The following CSF2RA variants were observed in gnomAD, a reference collection of about 807,000 sequenced individuals.
CSF2RA encodes the protein granulocyte-macrophage colony-stimulating factor receptor subunit alpha.
A neutral mutation model predicts 51.6 loss-of-function variants in CSF2RA; 42 were observed. The ratio of observed to expected loss-of-function variants is 0.81; its 90% CI spans 0.64 to 1.05. The LOEUF (loss-of-function observed/expected upper bound fraction) is 1.05. Among genes scored for constraint, CSF2RA ranks in the 50% least tolerant of loss-of-function variants. The pLI is 0.00. For missense variants in CSF2RA, 530 were observed against 501.1 expected (o/e 1.06, Z -0.55); for synonymous variants, 222 against 193.0 (o/e 1.15, Z -1.24).
intron 2 of CSF2RA, among the ~76,000 whole-genome samples, chrX:1,275,266 C>T (rs1361687367): frequency 2.0e-5 from 3 of 151,858 alleles, no homozygotes. Flanking sequence ...TGGCAGTTGC[C>T]TCTAGTCCCA....
At chrX:1,292,999 G>C (rs1324552050) in intron 7 of CSF2RA, among the ~76,000 whole-genome samples, 1 of 152,126 alleles carries the variant, frequency 6.6e-6, no homozygotes, top group Non-Finnish European at 1.5e-5. Flanking sequence ...CTGGTTAATA[G>C]AGAATGGAGA....
intron 12 of CSF2RA, 46 bp from the exon 13 acceptor site, chrX:1,309,356 G>C (rs751243916): frequency 6.3e-7 from 1 of 1,578,906 alleles, no homozygotes; most frequent in Non-Finnish European, 8.7e-7. Flanking sequence ...TGAGTCCCAG[G>C]CTGAGCTCGT....
Position 1,303,931 on chromosome X carries a change from G to T in CSF2RA, c.955G>T (p.Asp319Tyr). The stretch of plus-strand genomic sequence containing the variant: ...CCTGTGTGTCTCTCCAGGTTCTGAC[G>T]ACGGGAACCTCGGCTCTGTGTACAT... Reference protein sequence around the residue: ...WSEAIEFGSDDGNLGSVYIYV... With the variant: ...WSEAIEFGSDYGNLGSVYIYV... Residue 319 changes from aspartate (D) to tyrosine (Y), a missense_variant, in exon 11 of 13, where the codon GAC becomes TAC. By Grantham distance (160) the Asp-to-Tyr change is radical. Coordinates refer to ENST00000381529, the MANE Select transcript of CSF2RA (RefSeq NM_172245.4). The T allele has an allele frequency of 6.2e-7, 1 of 1,613,528 alleles. No individual in the cohort carries two copies. Among genetic ancestry groups the T allele is most frequent in the Non-Finnish European group, 8.5e-7 (1 of 1,179,702 alleles).
At chrX:1,324,742 T>G in the CSF2RA span, among the ~76,000 whole-genome samples, 1 of 152,116 alleles carries the variant, frequency 6.6e-6, no homozygotes, top group Non-Finnish European at 1.5e-5. Flanking sequence ...AACAAAGGCC[T>G]GTCTGAGTCG....
chrX:1,301,500 C>G (rs1407936869), intron 10 of CSF2RA, among the ~76,000 whole-genome samples: 8 of 151,898 alleles, frequency 5.3e-5, no homozygotes, highest in African/African-American at 1.5e-4. Context: ...CCACCTCCCT[C>G]TGCTCCACTG....
At chrX:1,319,909 G>T in the CSF2RA span, among the ~76,000 whole-genome samples, 2 of 124,312 alleles carry the variant, frequency 1.6e-5, no homozygotes, top group African/African-American at 3.1e-5. Flanking sequence ...TTGTTTGTTT[G>T]TTTTGAGATG....
At chrX:1,284,660 A>AT (rs61159606) in intron 3 of CSF2RA, among the ~76,000 whole-genome samples, 7,113 of 24,532 alleles carry the variant, frequency 0.29, 1,927 homozygotes, top group African/African-American at 0.38. Context: ...CTAGTTTTTG[A>AT]TTTTTTTTTT....
At chrX:1,316,967 G>A in the CSF2RA span, among the ~76,000 whole-genome samples, 1 of 152,050 alleles carries the variant, frequency 6.6e-6, no homozygotes, top group Non-Finnish European at 1.5e-5. Context: ...TTTTTATTGA[G>A]ACGGACTCTC....
intron 2 of CSF2RA, among the ~76,000 whole-genome samples, chrX:1,280,931 C>CCTT (rs2089884334): frequency 8.0e-5 from 9 of 112,634 alleles, no homozygotes; most frequent in Non-Finnish European, 1.5e-4. Flanking sequence ...TCCTCCTTCT[C>CCTT]CTCCTCCTCC....
chrX:1,314,492 ACTGTGCCTGCCC>A (rs2084393981), downstream of CSF2RA, among the ~76,000 whole-genome samples: 2 of 128,748 alleles, frequency 1.6e-5, 1 homozygote, highest in East Asian at 4.7e-4. Context: ...ACCCAACCCC[ACTGTGCCTGCCC>A]AACCGCACTG....
At chrX:1,303,582 G>A (rs150753888) in intron 10 of CSF2RA, among the ~76,000 whole-genome samples, 2,138 of 152,176 alleles carry the variant, frequency 0.014, 60 homozygotes, top group African/African-American at 0.05. Context: ...CACCATGTTG[G>A]TCAGGCTGGT....
intron 9 of CSF2RA, among the ~76,000 whole-genome samples, chrX:1,299,031 T>A (rs1256922637): frequency 6.6e-6 from 1 of 152,154 alleles, no homozygotes; most frequent in Admixed American, 6.5e-5. Flanking sequence ...GTGGACACGG[T>A]GGATCCTGAA....
At chrX:1,306,117 T>TA (rs755585687) in intron 12 of CSF2RA, among the ~76,000 whole-genome samples, 1,670 of 149,312 alleles carry the variant, frequency 0.011, 24 homozygotes, top group African/African-American at 0.04. Context: ...GAGGCAGAAA[T>TA]AGAGACAAGA....
the CSF2RA span, among the ~76,000 whole-genome samples, chrX:1,323,107 C>G: frequency 1.0e-4 from 14 of 135,192 alleles, no homozygotes; most frequent in African/African-American, 3.9e-4. Flanking sequence ...CCAGCCTGAG[C>G]GACAGAGCGA....
chrX:1,287,752 G>C, intron 4 of CSF2RA, among the ~76,000 whole-genome samples: 1 of 116,674 alleles, frequency 8.6e-6, no homozygotes, highest in South Asian at 2.9e-4. Context: ...CCCTTTTTTT[G>C]GGGGGATGGA....
chrX:1,300,542 C>T lies in CSF2RA; in HGVS notation c.862C>T (p.Pro288Ser). 1 of 1,613,886 alleles carries T rather than the reference C, an allele frequency of 6.2e-7. No homozygotes were observed. Among genetic ancestry groups the T allele is most frequent in the Non-Finnish European group, 8.5e-7 (1 of 1,179,850 alleles). ...ENRYNFPSSE[P>S]RAKHSVKIRA... ...TAGATACAACTTTCCAAGCTCTGAG[C>T]CCAGAGCAAAACACAGTGTGAAGAT... Residue 288 changes from proline to serine, a missense_variant, in exon 10 of 13, where the codon CCC becomes TCC. Pro to Ser is a moderately conservative substitution (Grantham distance 74, BLOSUM62 -1). Coordinates refer to ENST00000381529, the MANE Select transcript of CSF2RA (RefSeq NM_172245.4).
intron 2 of CSF2RA, among the ~76,000 whole-genome samples, chrX:1,280,949 T>TCTCCTCCTTCTCCTC (rs2089897746): frequency 5.0e-5 from 1 of 19,866 alleles, no homozygotes. Context: ...TCCTCCTGCT[T>TCTCCTCCTTCTCCTC]CTCCTCCTCC....
chrX:1,292,382 G>C (rs1193975686), intron 7 of CSF2RA, among the ~76,000 whole-genome samples: 3 of 152,144 alleles, frequency 2.0e-5, no homozygotes, highest in Admixed American at 2.0e-4. Context: ...AAAGTATAGA[G>C]AAAGAACAGT....
chrX:1,272,100 T>C (rs1321061390), intron 1 of CSF2RA, among the ~76,000 whole-genome samples: 1 of 151,706 alleles, frequency 6.6e-6, no homozygotes, highest in Non-Finnish European at 1.5e-5. Context: ...ATTACAGGCG[T>C]GTGCTACCAT....
Sources: gnomAD v4.1 joint callset for allele counts (sites outside exome capture counted in the v4.1 genomes callset) on GRCh38, gnomAD v4.1.1 for gene constraint, MANE v1.5 for transcripts, NCBI Gene and HGNC (gene_info 2026-07-23, HGNC 2026-07-21) for gene names.